The following COLEC12 variants were observed in gnomAD, a reference collection of about 807,000 sequenced individuals.
The protein encoded by COLEC12 is collectin-12.
COLEC12 carries 33 observed loss-of-function variants against 71.1 expected under a neutral mutation model. That is an observed-to-expected ratio of 0.46 (90% confidence interval 0.35 to 0.62). The LOEUF (loss-of-function observed/expected upper bound fraction) is 0.62. Among genes scored for constraint, COLEC12 ranks in the 20% least tolerant of loss-of-function variants. COLEC12 has a pLI of 0.00. For missense variants in COLEC12, 765 were observed against 916.1 expected (o/e 0.84, Z 2.13); for synonymous variants, 350 against 353.0 (o/e 0.99, Z 0.10).
intron 2 of COLEC12, among the ~76,000 whole-genome samples, chr18:383,780 G>C (rs185335525): frequency 6.6e-6 from 1 of 152,096 alleles, no homozygotes; most frequent in Admixed American, 6.6e-5. Context: ...AGACATACCC[G>C]AGACTGGATA....
At chr18:326,887 T>C (rs1453392360) in intron 8 of COLEC12, among the ~76,000 whole-genome samples, 2 of 152,210 alleles carry the variant, frequency 1.3e-5, no homozygotes, top group East Asian at 3.9e-4. Flanking sequence ...GCCTGTTCTT[T>C]GCTGTATCCA....
intron 2 of COLEC12, among the ~76,000 whole-genome samples, chr18:391,173 G>C (rs763897753): frequency 1.7e-4 from 26 of 152,178 alleles, no homozygotes; most frequent in Admixed American, 5.9e-4. Context: ...TTGGTGTGTA[G>C]CTTCCTGCAT....
At chr18:375,254 C>G (rs1915087765) in intron 2 of COLEC12, among the ~76,000 whole-genome samples, 1 of 152,202 alleles carries the variant, frequency 6.6e-6, no homozygotes, top group Non-Finnish European at 1.5e-5. Context: ...TGTTTCGACT[C>G]CAGCCATGCT....
intron 3 of COLEC12, among the ~76,000 whole-genome samples, chr18:352,752 T>C (rs1424159150): frequency 6.6e-6 from 1 of 152,214 alleles, no homozygotes; most frequent in Non-Finnish European, 1.5e-5. Flanking sequence ...CACAGCACTT[T>C]CATTGACTTT....
intron 1 of COLEC12, among the ~76,000 whole-genome samples, chr18:484,334 A>C (rs1223029718): frequency 6.6e-6 from 1 of 152,230 alleles, no homozygotes; most frequent in Non-Finnish European, 1.5e-5. Context: ...CAAGAAAACA[A>C]AGGCCTCACA....
intron 2 of COLEC12, among the ~76,000 whole-genome samples, chr18:455,839 C>T (rs893267015): frequency 3.9e-5 from 6 of 152,148 alleles, no homozygotes; most frequent in African/African-American, 1.2e-4. Flanking sequence ...TTCTTTTTTA[C>T]GGCTGCATAG....
intron 2 of COLEC12, among the ~76,000 whole-genome samples, chr18:438,502 T>A (rs1322553587): frequency 6.6e-6 from 1 of 152,146 alleles, no homozygotes; most frequent in African/African-American, 2.4e-5. Context: ...ATATTAGAGA[T>A]ACAATGGAAG....
intron 2 of COLEC12, among the ~76,000 whole-genome samples, chr18:453,407 C>G (rs1916800848): frequency 6.6e-6 from 1 of 152,010 alleles, no homozygotes; most frequent in Admixed American, 6.5e-5. Context: ...AGCCAGTTTC[C>G]CCTGACCAGC....
chr18:392,168 C>T (rs547150920), intron 2 of COLEC12, among the ~76,000 whole-genome samples: 6 of 152,308 alleles, frequency 3.9e-5, no homozygotes, highest in African/African-American at 7.2e-5. Context: ...TCTAAGTTAA[C>T]TGCAGAAAGC....
At chr18:366,747 T>TC (rs1914864963) in intron 2 of COLEC12, among the ~76,000 whole-genome samples, 1 of 152,184 alleles carries the variant, frequency 6.6e-6, no homozygotes, top group African/African-American at 2.4e-5. Flanking sequence ...GAATCTGCTG[T>TC]CAGGTGCAAG....
intron 3 of COLEC12, among the ~76,000 whole-genome samples, chr18:350,953 C>G (rs1232540803): frequency 4.4e-5 from 6 of 135,160 alleles, no homozygotes; most frequent in African/African-American, 2.9e-5. Context: ...GAGCGAGACT[C>G]TGTCTCAAAA....
intron 1 of COLEC12, among the ~76,000 whole-genome samples, chr18:496,742 C>T (rs1917720225): frequency 6.6e-6 from 1 of 152,186 alleles, no homozygotes; most frequent in African/African-American, 2.4e-5. Context: ...GTTTTCATGG[C>T]ACCAGCCTCC....
chr18:395,990 C>T (rs2143602221), intron 2 of COLEC12, among the ~76,000 whole-genome samples: 1 of 152,338 alleles, frequency 6.6e-6, no homozygotes, highest in Non-Finnish European at 1.5e-5. Flanking sequence ...ACCCAGAGCA[C>T]ACAATGTGGT....
intron 2 of COLEC12, among the ~76,000 whole-genome samples, chr18:409,396 T>G (rs1327902123): frequency 6.6e-6 from 1 of 151,964 alleles, no homozygotes; most frequent in Non-Finnish European, 1.5e-5. Flanking sequence ...TAGCTGGGTG[T>G]GGTGGTGCAC....
In COLEC12 at chr18:437,813, T is replaced by C. The variant is rs142804205; in HGVS notation, c.58+42894A>G. 2.9e-3 allele frequency among the ~76,000 whole-genome samples: 448 copies of C among 152,358 alleles called. 2 individuals are homozygous for C. Among genetic ancestry groups the C allele is most frequent in the Admixed American group, 4.6e-3 (70 of 15,304 alleles). ...CTTTTCTTCGAAGCTTTGTCGCATC[T>C]ATCAGTTCATTTAACAAACTGAGCT... On this transcript the variant is annotated intron_variant, in intron 2 of 9. Transcript: ENST00000400256.
At position 349,186 on chromosome 18, in the gene COLEC12, G is replaced by T. The variant is rs532457219; in HGVS notation, c.182-1023C>A. ...GAGGCCCAGGAGAAAATGGTTTCGTGGGCCAGGCCCAGGGTCCCCATGCTG... is the reference window on the plus strand; with the variant it reads ...GAGGCCCAGGAGAAAATGGTTTCGTTGGCCAGGCCCAGGGTCCCCATGCTG... On this transcript the variant is annotated intron_variant, in intron 3 of 9. Coordinates refer to ENST00000400256, the MANE Select transcript of COLEC12 (RefSeq NM_130386.3). Among the ~76,000 whole-genome samples, 13 of 152,310 alleles carry T rather than the reference G, an allele frequency of 8.5e-5. No individual in the cohort carries two copies. The South Asian group carries it at 2.3e-3, about 27-fold the overall frequency.
At chr18:474,847 C>T (rs77379664) in intron 2 of COLEC12, among the ~76,000 whole-genome samples, 35 of 152,090 alleles carry the variant, frequency 2.3e-4, no homozygotes, top group African/African-American at 8.2e-4. Context: ...CCAAGGCAGG[C>T]GGATCACCCA....
At chr18:357,610 T>A in intron 2 of COLEC12, 88 bp from the exon 3 acceptor site, 1 of 1,103,382 alleles carries the variant, frequency 9.1e-7, no homozygotes, top group Admixed American at 2.6e-5. Context: ...ATATTGGGAC[T>A]AAGAATAATT....
intron 2 of COLEC12, chr18:423,767 T>TG (rs1226961283): frequency 2.6e-5 from 4 of 152,454 alleles, no homozygotes; most frequent in South Asian, 2.1e-4. Flanking sequence ...TGTTTTGTTT[T>TG]TTTTTCCCAG....
Sources: allele counts gnomAD v4.1 joint callset (sites outside exome capture counted in the v4.1 genomes callset), GRCh38; gene constraint gnomAD v4.1.1; transcripts MANE v1.5; gene names NCBI Gene and HGNC (gene_info 2026-07-23, HGNC 2026-07-21).